FCRL5: variants seen among roughly 807,000 people sequenced by gnomAD.
FCRL5 encodes Fc receptor-like protein 5.
A neutral mutation model predicts 92.1 loss-of-function variants in FCRL5; 79 were observed. The ratio of observed to expected loss-of-function variants is 0.86; its 90% CI spans 0.72 to 1.03. The LOEUF (loss-of-function observed/expected upper bound fraction) is 1.03, where lower values mean the gene tolerates loss of function less well. FCRL5 is among the 50% of genes least tolerant of loss of function. The pLI, the probability that FCRL5 is intolerant of heterozygous loss-of-function variation, is 0.00. For synonymous variants in FCRL5, 466 were observed against 469.3 expected, an observed-to-expected ratio of 0.99 and a Z score of 0.09; for missense variants, 1,160 against 1,181.1, an observed-to-expected ratio of 0.98 and a Z score of 0.26.
At position 157,544,335 on chromosome 1, in the gene FCRL5, G is replaced by C; in HGVS notation, c.771C>G (p.Phe257Leu). The C allele has an allele frequency of 6.2e-7, 1 of 1,614,198 alleles. No individual in the cohort carries two copies. Among genetic ancestry groups the C allele is most frequent in the Non-Finnish European group, 8.5e-7 (1 of 1,180,026 alleles). The change falls in exon 5 of 17, where the codon TTC becomes TTG. Residue 257 changes from phenylalanine to leucine, a missense_variant. Transcript: ENST00000361835. ...ITAMWSKDSG[F>L]YWCKAATMPY... The stretch of plus-strand genomic sequence containing the variant: ...GCATTGTTGCTGCCTTACACCAGTA[G>C]AACCCTGAATCTTTACTCCACATGG...
intron 15 of FCRL5, among the ~76,000 whole-genome samples, chr1:157,516,424 C>T (rs1649936570): frequency 6.6e-6 from 1 of 152,182 alleles, no homozygotes; most frequent in Non-Finnish European, 1.5e-5. Flanking sequence ...TGTGTCTGTG[C>T]ATATATTATT....
chr1:157,521,068 C>A lies in FCRL5; in HGVS notation c.2464G>T (p.Asp822Tyr). The A allele has an allele frequency of 6.2e-7, 1 of 1,613,878 alleles. No homozygotes were observed. Among genetic ancestry groups the A allele is most frequent in the Non-Finnish European group, 8.5e-7 (1 of 1,179,890 alleles). The change falls in exon 11 of 17, where the codon GAC becomes TAC. Residue 822 changes from aspartate to tyrosine, a missense_variant. Transcript: ENST00000361835. Reference protein sequence around the residue: ...EHSGNYSCEADNGLGAQRSET... With the variant: ...EHSGNYSCEAYNGLGAQRSET... ...CTGCGCTGGGCCCCGAGGCCATTGT[C>A]GGCCTCACAGGAGTAGTTTCCAGAG...
chr1:157,549,307 GAT>G (rs1651702010), intron 2 of FCRL5, among the ~76,000 whole-genome samples: 1 of 106,130 alleles, frequency 9.4e-6, no homozygotes, highest in Non-Finnish European at 1.8e-5. Context: ...AGGGGGGAGG[GAT>G]AGCATTAGGA....
chr1:157,547,426 C>T (rs1269819656), intron 2 of FCRL5: 3 of 723,710 alleles, frequency 4.1e-6, no homozygotes, highest in Non-Finnish European at 7.6e-6. Context: ...AGGGTGACAC[C>T]AGCAGGATTC....
intron 9 of FCRL5, among the ~76,000 whole-genome samples, chr1:157,525,164 A>C (rs1300417065): frequency 6.6e-6 from 1 of 152,242 alleles, no homozygotes; most frequent in Non-Finnish European, 1.5e-5. Context: ...GGCAGCAATT[A>C]AATAAAAATA....
intron 8 of FCRL5, among the ~76,000 whole-genome samples, chr1:157,530,617 C>A (rs1385429038): frequency 2.0e-5 from 3 of 152,210 alleles, no homozygotes; most frequent in Non-Finnish European, 2.9e-5. Context: ...GCCTCGGCCT[C>A]CCAAAGTGCT....
Position 157,544,445 on chromosome 1 carries a change from C to T in FCRL5, c.661G>A (p.Asp221Asn). 1.9e-6 allele frequency: 3 copies of T among 1,614,234 alleles called. No individual in the cohort carries two copies. Among genetic ancestry groups the T allele is most frequent in the Non-Finnish European group, 2.5e-6 (3 of 1,180,044 alleles). ...CETQLSLERS[D>N]VPLRFRFFRD... The stretch of plus-strand genomic sequence containing the variant: ...AAGAAGCGGAACCGGAGCGGGACAT[C>T]TGACCTCTCTAGAGAGAGCTGGGTC... The change falls in exon 5 of 17, where the codon GAT becomes AAT. Residue 221 changes from aspartate (D) to asparagine (N), a missense_variant. Transcript: ENST00000361835.
intron 15 of FCRL5, among the ~76,000 whole-genome samples, chr1:157,518,204 T>C (rs1650014316): frequency 6.6e-6 from 1 of 152,190 alleles, no homozygotes; most frequent in South Asian, 2.1e-4. Context: ...AAGATAGTTT[T>C]GTTATTCAGG....
At chr1:157,529,367 A>G (rs1388765274) in intron 8 of FCRL5, among the ~76,000 whole-genome samples, 1 of 152,244 alleles carries the variant, frequency 6.6e-6, no homozygotes, top group Non-Finnish European at 1.5e-5. Context: ...AACTATTACA[A>G]CCACTATGAA....
At chr1:157,529,442 C>G (rs1200953538) in intron 8 of FCRL5, among the ~76,000 whole-genome samples, 1 of 152,166 alleles carries the variant, frequency 6.6e-6, no homozygotes, top group Admixed American at 6.5e-5. Flanking sequence ...AATCCCACTA[C>G]TGGGTATCTA....
chr1:157,526,280 C>G (rs1359142118), intron 9 of FCRL5, among the ~76,000 whole-genome samples: 1 of 152,066 alleles, frequency 6.6e-6, no homozygotes, highest in African/African-American at 2.4e-5. Context: ...GGATTTAAAG[C>G]CTTGAAGGTC....
chr1:157,518,220 C>T (rs1650014861), intron 15 of FCRL5, among the ~76,000 whole-genome samples: 1 of 152,160 alleles, frequency 6.6e-6, no homozygotes, highest in Non-Finnish European at 1.5e-5. Context: ...TCAGGTTATA[C>T]TGGGGCCCTC....
Position 157,520,966 on chromosome 1 carries a change from C to T in FCRL5, c.2515+51G>A, listed in dbSNP as rs376046891. On this transcript the variant is annotated intron_variant, in intron 11 of 16. Coordinates refer to ENST00000361835, the MANE Select transcript of FCRL5 (RefSeq NM_031281.3). ...GCACTGTGAGGGTTATCAGAGGGTC[C>T]GCGGAGGAAACATTTTGTCCGCATC... 6 of 1,553,824 alleles carry T rather than the reference C, an allele frequency of 3.9e-6. No individual in the cohort carries two copies. In the African/African-American group the frequency reaches 5.5e-5, roughly 14 times the overall value.
rs1649829135 is a variant in FCRL5, at chr1:157,514,238, G to A, written c.*1437C>T. 6.6e-6 allele frequency: 1 copy of A among 152,266 alleles called. No individual in the cohort carries two copies. The highest frequency in any genetic ancestry group is 2.4e-5 in the African/African-American group (1 of 41,462). The allele number at this position is 152,266 out of a possible 1,614,324, so 9.4% of individuals were successfully genotyped here. ...CTGGGAGCAAAGATCAAGATAAGAT[G>A]TGATGGATATCATAAAAGCGGAACA... On this transcript the variant is annotated 3_prime_UTR_variant, in exon 17 of 17. Transcript: ENST00000361835.
intron 10 of FCRL5, 91 bp from the exon 11 acceptor site, chr1:157,521,383 T>G: frequency 3.5e-6 from 5 of 1,419,350 alleles, no homozygotes; most frequent in Non-Finnish European, 4.7e-6. Flanking sequence ...AAAAGTCATA[T>G]CTCAATCTTG....
intron 10 of FCRL5, 155 bp from the exon 11 acceptor site, chr1:157,521,447 T>C (rs781004931): frequency 1.2e-6 from 1 of 868,018 alleles, no homozygotes; most frequent in African/African-American, 1.7e-5. Context: ...CTGCTAATAG[T>C]TTTCAGTGTA....
At chr1:157,536,445 C>T (rs1650973660) in intron 7 of FCRL5, among the ~76,000 whole-genome samples, 1 of 152,212 alleles carries the variant, frequency 6.6e-6, no homozygotes, top group African/African-American at 2.4e-5. Context: ...CAACTGGACA[C>T]TCCCTTGTTG....
chr1:157,539,499 C>A (rs1651147217), intron 6 of FCRL5, 135 bp from the exon 7 acceptor site: 1 of 762,148 alleles, frequency 1.3e-6, no homozygotes, highest in Non-Finnish European at 2.0e-6. Flanking sequence ...TTCAGGCAAA[C>A]CTGCTTTTTA....
chr1:157,521,083 A>G lies in FCRL5; in HGVS notation c.2449T>C (p.Tyr817His). The G allele has an allele frequency of 6.2e-7, 1 of 1,614,170 alleles. No individual in the cohort carries two copies. The highest frequency in any genetic ancestry group is 8.5e-7 in the Non-Finnish European group (1 of 1,180,026). ...LSLTAEHSGNYSCEADNGLGA... is the reference protein window; with the variant it reads ...LSLTAEHSGNHSCEADNGLGA... ...AGGCCATTGTCGGCCTCACAGGAGT[A>G]GTTTCCAGAGTGCTCTGCAGTCAGA... The change falls in exon 11 of 17, where the codon TAC (tyrosine) becomes CAC (histidine). Residue 817 changes from tyrosine to histidine, a missense_variant. Physicochemically the swap from Tyr to His is moderately conservative, Grantham distance 83. Transcript: ENST00000361835.
Sources: allele counts gnomAD v4.1 joint callset (sites outside exome capture counted in the v4.1 genomes callset), GRCh38; gene constraint gnomAD v4.1.1; transcripts MANE v1.5; gene names NCBI Gene and HGNC (gene_info 2026-07-23, HGNC 2026-07-21).